The following FRAS1 variants were observed in gnomAD, a reference collection of about 807,000 sequenced individuals.
FRAS1 encodes Fraser extracellular matrix complex subunit 1.
A neutral mutation model predicts 435.2 loss-of-function variants in FRAS1; 290 were observed. That is an observed-to-expected ratio of 0.67 (90% CI 0.61 to 0.73). The LOEUF (loss-of-function observed/expected upper bound fraction) is 0.73. Ranked by LOEUF, FRAS1 falls within the 30% of genes least tolerant of loss-of-function variation. The pLI is 0.00. For missense variants in FRAS1, 4,860 were observed against 5,001.5 expected (o/e 0.97, Z 0.85); for synonymous variants, 1,800 against 1,851.0 (o/e 0.97, Z 0.71).
At chr4:78,204,798 A>G (rs1294385254) in intron 2 of FRAS1, among the ~76,000 whole-genome samples, 1 of 152,228 alleles carries the variant, frequency 6.6e-6, no homozygotes, top group African/African-American at 2.4e-5. Flanking sequence ...AGAATAAAAG[A>G]CATCACTACA....
chr4:78,140,907 T>A (rs1031428930), intron 2 of FRAS1, among the ~76,000 whole-genome samples: 4 of 152,036 alleles, frequency 2.6e-5, no homozygotes, highest in Non-Finnish European at 4.4e-5. Context: ...TATTTTGACA[T>A]TTTTCTTTTG....
intron 2 of FRAS1, among the ~76,000 whole-genome samples, chr4:78,228,038 G>C (rs1724347912): frequency 6.6e-6 from 1 of 152,102 alleles, no homozygotes; most frequent in Admixed American, 6.6e-5. Flanking sequence ...GGAAGGGAGA[G>C]AGAAAAGTCA....
At chr4:78,342,912 T>G (rs1487619564) in intron 20 of FRAS1, among the ~76,000 whole-genome samples, 2 of 152,292 alleles carry the variant, frequency 1.3e-5, no homozygotes, top group East Asian at 3.9e-4. Flanking sequence ...TATGAAGTAT[T>G]TTTTTAAATG....
intron 2 of FRAS1, among the ~76,000 whole-genome samples, chr4:78,116,005 G>C (rs1330633568): frequency 1.3e-5 from 2 of 152,088 alleles, no homozygotes; most frequent in African/African-American, 4.8e-5. Flanking sequence ...CTTTTAATGT[G>C]TCCCAGAGAT....
At chr4:78,208,173 G>A (rs547323690) in intron 2 of FRAS1, among the ~76,000 whole-genome samples, 2 of 152,222 alleles carry the variant, frequency 1.3e-5, no homozygotes, top group East Asian at 1.9e-4. Flanking sequence ...CCAACTGGGC[G>A]GGTAGACCCA....
intron 49 of FRAS1, 120 bp from the exon 50 acceptor site, chr4:78,466,088 A>C (rs1263309152): frequency 1.4e-6 from 1 of 702,854 alleles, no homozygotes; most frequent in Admixed American, 2.5e-5. Flanking sequence ...AAGAAAATAC[A>C]GTCCTTACTT....
intron 2 of FRAS1, among the ~76,000 whole-genome samples, chr4:78,131,972 T>A (rs941061112): frequency 6.6e-6 from 1 of 152,240 alleles, no homozygotes; most frequent in Non-Finnish European, 1.5e-5. Context: ...ATAGTTTGTT[T>A]CATTAAATGA....
At chr4:78,372,972 T>TC in intron 24 of FRAS1, 114 bp downstream of exon 24, 3 of 1,217,834 alleles carry the variant, frequency 2.5e-6, no homozygotes, top group Non-Finnish European at 3.4e-6. Flanking sequence ...TTACCCCATT[T>TC]CTGGTTTCTT....
At chr4:78,486,207 T>C (rs1470614805) in intron 58 of FRAS1, among the ~76,000 whole-genome samples, 1 of 152,230 alleles carries the variant, frequency 6.6e-6, no homozygotes, top group East Asian at 1.9e-4. Flanking sequence ...GTAAAGAGGC[T>C]ATTGCATTCC....
intron 61 of FRAS1, among the ~76,000 whole-genome samples, chr4:78,502,969 T>A (rs1720726524): frequency 6.6e-6 from 1 of 152,252 alleles, no homozygotes; most frequent in Non-Finnish European, 1.5e-5. Context: ...TCTATTGAGA[T>A]AATCATGTGG....
intron 27 of FRAS1, among the ~76,000 whole-genome samples, chr4:78,380,434 T>G (rs1280361404): frequency 6.6e-6 from 1 of 152,102 alleles, no homozygotes; most frequent in Non-Finnish European, 1.5e-5. Flanking sequence ...AGAATCACAG[T>G]GAACTTTTTA....
chr4:78,058,054 G>T lies in FRAS1; in HGVS notation c.45G>T (p.Ala15=), dbSNP rs1410764300. The change falls in exon 1 of 74, where the codon GCG becomes GCT. Residue 15 remains alanine (A), a synonymous_variant. Coordinates refer to ENST00000512123, the MANE Select transcript of FRAS1 (RefSeq NM_025074.7). ...KVWLGLALAL[A]EFAVLPHHSE... ...GGCTCGGGCTGGCCCTAGCGTTGGCGGAATTTGCAGTATTGCCTCATCATT... is the reference window on the plus strand; with the variant it reads ...GGCTCGGGCTGGCCCTAGCGTTGGCTGAATTTGCAGTATTGCCTCATCATT... 1 of 1,613,744 alleles carries T rather than the reference G, an allele frequency of 6.2e-7. No homozygotes were observed. The highest frequency in any genetic ancestry group is 8.5e-7 in the Non-Finnish European group (1 of 1,179,860).
intron 2 of FRAS1, among the ~76,000 whole-genome samples, chr4:78,166,248 G>A (rs185544158): frequency 6.6e-6 from 1 of 152,140 alleles, no homozygotes; most frequent in Admixed American, 6.5e-5. Flanking sequence ...TGGCAACATG[G>A]TTAAAGCAAA....
In FRAS1 at chr4:78,135,071, T is replaced by G. The variant is rs765235594; in HGVS notation, c.108+69055T>G. On this transcript the variant is annotated intron_variant, in intron 2 of 73. Transcript: ENST00000512123. ...TCATCAGCAATGTCATGGGGCTGACTGTGTATTTGAGATATACAGTAACAA... is the reference window on the plus strand; with the variant it reads ...TCATCAGCAATGTCATGGGGCTGACGGTGTATTTGAGATATACAGTAACAA... 1.1e-4 allele frequency among the ~76,000 whole-genome samples: 17 copies of G among 152,332 alleles called. No individual in the cohort carries two copies. In the East Asian group the frequency reaches 1.5e-3, roughly 14 times the overall value.
rs1414291434 is a variant in FRAS1 at position 78,479,603 on chromosome 4, C to T, written c.8328C>T (p.Ala2776=). The T allele has an allele frequency of 1.2e-6, 2 of 1,613,930 alleles. No homozygotes were observed. Among genetic ancestry groups the T allele is most frequent in the East Asian group, 4.5e-5 (2 of 44,862 alleles). ...EEEFEIALAD[A]SDNARIGRVA... ...AGTTTGAGATTGCCTTGGCAGATGC[C>T]TCTGACAATGCCCGCATTGGAAGGG... is the stretch of plus-strand genomic sequence containing the variant. The change falls in exon 56 of 74, where the codon GCC becomes GCT. Residue 2776 remains alanine, a synonymous_variant. Transcript: ENST00000512123.
chr4:78,338,127 T>G (rs976817770), intron 20 of FRAS1: 4 of 250,632 alleles, frequency 1.6e-5, no homozygotes, highest in African/African-American at 6.7e-5. Context: ...AAAAGTGTTC[T>G]GAAAATAAGT....
chr4:78,506,436 C>G (rs1720845796), intron 61 of FRAS1, among the ~76,000 whole-genome samples: 1 of 152,230 alleles, frequency 6.6e-6, no homozygotes, highest in Non-Finnish European at 1.5e-5. Flanking sequence ...GCTTTGTTTA[C>G]CTACTTAAGC....
chr4:78,376,597 A>G (rs1042061496), intron 26 of FRAS1, among the ~76,000 whole-genome samples: 8 of 152,292 alleles, frequency 5.3e-5, no homozygotes, highest in East Asian at 3.9e-4. Context: ...CACAGTAGAG[A>G]TAAATTATAA....
intron 2 of FRAS1, among the ~76,000 whole-genome samples, chr4:78,081,738 C>T (rs1740906221): frequency 6.6e-6 from 1 of 152,068 alleles, no homozygotes; most frequent in African/African-American, 2.4e-5. Context: ...TTAAGGAAGT[C>T]CAGGCCTGAG....
Sources: allele counts gnomAD v4.1 joint callset (sites outside exome capture counted in the v4.1 genomes callset), GRCh38; gene constraint gnomAD v4.1.1; transcripts MANE v1.5; gene names NCBI Gene and HGNC (gene_info 2026-07-23, HGNC 2026-07-21).